The following SLC35F3 variants were observed in gnomAD, a reference collection of about 807,000 sequenced individuals.
The protein encoded by SLC35F3 is putative thiamine transporter SLC35F3.
A neutral mutation model predicts 49.9 loss-of-function variants in SLC35F3; 25 were observed. That is an observed-to-expected ratio of 0.50 (90% CI 0.37 to 0.70). The LOEUF (loss-of-function observed/expected upper bound fraction) is 0.70. SLC35F3 is among the 30% of genes least tolerant of loss of function. SLC35F3 has a pLI of 0.00. For missense variants in SLC35F3, 525 were observed against 639.8 expected, an observed-to-expected ratio of 0.82 and a Z score of 1.94; for synonymous variants, 275 against 265.4, an observed-to-expected ratio of 1.04 and a Z score of -0.35.
intron 2 of SLC35F3, among the ~76,000 whole-genome samples, chr1:233,910,567 A>G (rs1661858954): frequency 6.6e-6 from 1 of 152,246 alleles, no homozygotes; most frequent in African/African-American, 2.4e-5. Flanking sequence ...ACAGGTCAAC[A>G]CAAACCTGCA....
At chr1:234,123,277 G>A (rs749967884) in intron 2 of SLC35F3, among the ~76,000 whole-genome samples, 6 of 152,140 alleles carry the variant, frequency 3.9e-5, no homozygotes, top group African/African-American at 1.4e-4. Flanking sequence ...TTTGAGAAGT[G>A]TCTGTTAATA....
chr1:234,319,005 A>G, intron 6 of SLC35F3, 62 bp downstream of exon 6: 1 of 1,402,000 alleles, frequency 7.1e-7, no homozygotes, highest in Non-Finnish European at 9.9e-7. Context: ...GACCCTCAGG[A>G]AACATGTTCC....
chr1:233,932,246 G>A (rs189559602), intron 2 of SLC35F3, among the ~76,000 whole-genome samples: 1 of 152,180 alleles, frequency 6.6e-6, no homozygotes, highest in African/African-American at 2.4e-5. Context: ...CTATACCTAT[G>A]TAACAAAACC....
At chr1:234,278,363 G>A (rs1668248103) in intron 3 of SLC35F3, among the ~76,000 whole-genome samples, 1 of 152,074 alleles carries the variant, frequency 6.6e-6, no homozygotes, top group African/African-American at 2.4e-5. Flanking sequence ...AATGGCACGG[G>A]CCTGTAGTCC....
intron 2 of SLC35F3, among the ~76,000 whole-genome samples, chr1:234,147,230 C>CTTTTTTTTTT (rs201359916): frequency 8.0e-5 from 10 of 125,096 alleles, no homozygotes; most frequent in Non-Finnish European, 1.5e-4. Flanking sequence ...TTTCTATTTT[C>CTTTTTTTTTT]TTTTTTTTTT....
chr1:234,034,184 C>T lies in SLC35F3; in HGVS notation c.283+128426C>T, dbSNP rs541493921. Among the ~76,000 whole-genome samples, 12 of 152,284 alleles carry T rather than the reference C, an allele frequency of 7.9e-5. No homozygotes were observed. The South Asian group carries it at 2.5e-3, about 32-fold the overall frequency. Reference sequence around the variant, plus strand: ...TCGCTGTTGATGTTTAGCAGTGCTACTCATTTGTGCACATTGACTTTGTAT... The same window carrying T: ...TCGCTGTTGATGTTTAGCAGTGCTATTCATTTGTGCACATTGACTTTGTAT... On this transcript the variant is annotated intron_variant, in intron 2 of 7. Coordinates refer to ENST00000366618, the MANE Select transcript of SLC35F3 (RefSeq NM_173508.4).
At chr1:234,016,222 A>C (rs1396392166) in intron 2 of SLC35F3, among the ~76,000 whole-genome samples, 1 of 152,220 alleles carries the variant, frequency 6.6e-6, no homozygotes, top group South Asian at 2.1e-4. Flanking sequence ...TACAGCCACT[A>C]TGGAAAACAG....
intron 2 of SLC35F3, among the ~76,000 whole-genome samples, chr1:233,988,661 T>A (rs193221059): frequency 1.3e-5 from 2 of 152,336 alleles, no homozygotes; most frequent in African/African-American, 4.8e-5. Context: ...CTGCCATTTG[T>A]CCATCTGTTG....
chr1:234,058,179 G>T (rs1201032474), intron 2 of SLC35F3, among the ~76,000 whole-genome samples: 2 of 150,190 alleles, frequency 1.3e-5, no homozygotes, highest in Non-Finnish European at 1.5e-5. Context: ...AATTTTTTTT[G>T]GTTTGCTTTG....
At chr1:234,211,239 C>T (rs1572096529) in intron 2 of SLC35F3, among the ~76,000 whole-genome samples, 1 of 152,340 alleles carries the variant, frequency 6.6e-6, no homozygotes, top group East Asian at 1.9e-4. Context: ...GTGGCACCCT[C>T]ATGGAGAACC....
intron 2 of SLC35F3, among the ~76,000 whole-genome samples, chr1:234,112,394 C>G (rs1236455864): frequency 6.6e-6 from 1 of 152,066 alleles, no homozygotes; most frequent in Non-Finnish European, 1.5e-5. Context: ...CATACTTTCC[C>G]TATAACAATG....
intron 2 of SLC35F3, among the ~76,000 whole-genome samples, chr1:234,029,100 C>T (rs145873120): frequency 2.0e-5 from 3 of 152,254 alleles, no homozygotes; most frequent in East Asian, 3.9e-4. Flanking sequence ...CGAAAAACAT[C>T]GGTCATTTTC....
At chr1:234,087,703 C>T (rs751536353) in intron 2 of SLC35F3, among the ~76,000 whole-genome samples, 31 of 152,208 alleles carry the variant, frequency 2.0e-4, no homozygotes, top group Admixed American at 4.6e-4. Flanking sequence ...CTTCTCAACC[C>T]ACCCAGAAAC....
chr1:234,165,388 A>G (rs1315496362), intron 2 of SLC35F3, among the ~76,000 whole-genome samples: 2 of 152,196 alleles, frequency 1.3e-5, no homozygotes, highest in African/African-American at 4.8e-5. Flanking sequence ...TAGAGAGAGA[A>G]GAAAGGCAAA....
intron 2 of SLC35F3, among the ~76,000 whole-genome samples, chr1:233,912,991 G>C (rs1439905587): frequency 6.6e-6 from 1 of 152,188 alleles, no homozygotes; most frequent in African/African-American, 2.4e-5. Flanking sequence ...AGAATGCAGA[G>C]ATTAGTGATG....
chr1:234,234,655 T>C (rs1017260873), intron 3 of SLC35F3, among the ~76,000 whole-genome samples: 4 of 152,098 alleles, frequency 2.6e-5, no homozygotes, highest in African/African-American at 9.7e-5. Context: ...CACCTCACCA[T>C]GTAGAACTGA....
chr1:234,168,913 A>G (rs1035981740), intron 2 of SLC35F3, among the ~76,000 whole-genome samples: 1 of 152,142 alleles, frequency 6.6e-6, no homozygotes, highest in Admixed American at 6.5e-5. Flanking sequence ...GAGGAGATTT[A>G]TTATGGGAAT....
At chr1:233,913,029 T>A (rs1395703548) in intron 2 of SLC35F3, among the ~76,000 whole-genome samples, 1 of 152,200 alleles carries the variant, frequency 6.6e-6, no homozygotes, top group South Asian at 2.1e-4. Context: ...CCTAAAAGCT[T>A]ACTTACTGGA....
At chr1:234,140,133 TG>T (rs1031581682) in intron 2 of SLC35F3, among the ~76,000 whole-genome samples, 1 of 151,954 alleles carries the variant, frequency 6.6e-6, no homozygotes, top group African/African-American at 2.4e-5. Flanking sequence ...ATTCACATCC[TG>T]GGCAGGATGG....
Sources: gnomAD v4.1 joint callset for allele counts (sites outside exome capture counted in the v4.1 genomes callset) on GRCh38, gnomAD v4.1.1 for gene constraint, MANE v1.5 for transcripts, NCBI Gene and HGNC (gene_info 2026-07-23, HGNC 2026-07-21) for gene names.